The following ST6GALNAC3 variants were observed in gnomAD, a reference collection of about 807,000 sequenced individuals.
ST6GALNAC3 encodes the protein ST6 N-acetylgalactosaminide alpha-2,6-sialyltransferase 3, also known as alpha-N-acetylgalactosaminide alpha-2,6-sialyltransferase 3.
ST6GALNAC3 carries 25 observed loss-of-function variants against 32.7 expected under a neutral mutation model. That is an observed-to-expected ratio of 0.76 (90% CI 0.56 to 1.07). The LOEUF (loss-of-function observed/expected upper bound fraction) is 1.07, where lower values mean the gene tolerates loss of function less well. Ranked by LOEUF, ST6GALNAC3 falls within the 50% of genes least tolerant of loss-of-function variation. The pLI, the probability that ST6GALNAC3 is intolerant of heterozygous loss-of-function variation, is 0.00. For missense variants in ST6GALNAC3, 355 were observed against 382.4 expected (o/e 0.93, Z 0.60); for synonymous variants, 129 against 133.1 (o/e 0.97, Z 0.21).
chr1:76,332,833 G>A (rs1192150440), intron 2 of ST6GALNAC3, among the ~76,000 whole-genome samples: 1 of 152,084 alleles, frequency 6.6e-6, no homozygotes, highest in Non-Finnish European at 1.5e-5. Context: ...GAATTTTCAA[G>A]TGCCAGCTCC....
At chr1:76,226,867 C>T (rs187201147) in intron 1 of ST6GALNAC3, among the ~76,000 whole-genome samples, 2 of 152,238 alleles carry the variant, frequency 1.3e-5, no homozygotes, top group East Asian at 3.9e-4. Flanking sequence ...GATTACAATT[C>T]GACATGAGAT....
intron 3 of ST6GALNAC3, among the ~76,000 whole-genome samples, chr1:76,503,278 C>A (rs1220823679): frequency 2.0e-5 from 3 of 152,208 alleles, no homozygotes; most frequent in African/African-American, 7.2e-5. Context: ...CTGATTCTCG[C>A]ATTCCTACAA....
At chr1:76,255,735 T>G (rs1054120911) in intron 1 of ST6GALNAC3, among the ~76,000 whole-genome samples, 1 of 152,138 alleles carries the variant, frequency 6.6e-6, no homozygotes, top group Admixed American at 6.6e-5. Flanking sequence ...GTTCCTGTTA[T>G]GAAACTGTGG....
chr1:76,400,269 G>GC (rs1402346831), intron 2 of ST6GALNAC3, among the ~76,000 whole-genome samples: 2 of 152,110 alleles, frequency 1.3e-5, no homozygotes, highest in Non-Finnish European at 2.9e-5. Flanking sequence ...TCCTTTTGCT[G>GC]CATCTGTTGA....
intron 1 of ST6GALNAC3, among the ~76,000 whole-genome samples, chr1:76,160,784 ATTTCCTTG>A (rs1651755951): frequency 6.6e-6 from 1 of 152,180 alleles, no homozygotes; most frequent in Non-Finnish European, 1.5e-5. Context: ...GCAAGCTCTT[ATTTCCTTG>A]CAGCCCACAA....
intron 3 of ST6GALNAC3, among the ~76,000 whole-genome samples, chr1:76,455,747 C>A: frequency 6.6e-6 from 1 of 152,154 alleles, no homozygotes; most frequent in East Asian, 1.9e-4. Flanking sequence ...TCTTTTACCC[C>A]AGCATTTTGT....
At chr1:76,475,008 G>C (rs991801394) in intron 3 of ST6GALNAC3, among the ~76,000 whole-genome samples, 6 of 152,100 alleles carry the variant, frequency 3.9e-5, no homozygotes, top group Admixed American at 2.6e-4. Flanking sequence ...GGAAGGATAA[G>C]AGATGCTTTC....
At chr1:76,274,326 C>T (rs1315885837) in intron 1 of ST6GALNAC3, among the ~76,000 whole-genome samples, 2 of 152,116 alleles carry the variant, frequency 1.3e-5, no homozygotes, top group Non-Finnish European at 2.9e-5. Flanking sequence ...TACATACCTG[C>T]TGTGTGACGG....
chr1:76,263,331 A>G (rs76165042), intron 1 of ST6GALNAC3, among the ~76,000 whole-genome samples: 3,247 of 152,302 alleles, frequency 0.021, 47 homozygotes, highest in Middle Eastern at 0.034. Flanking sequence ...ATACCTAATA[A>G]ATATTATATG....
chr1:76,305,925 T>C (rs1661022819), intron 1 of ST6GALNAC3: 1 of 518,064 alleles, frequency 1.9e-6, no homozygotes, highest in African/African-American at 1.9e-5. Context: ...GAGCCTGTGT[T>C]CTAGTGTGTG....
intron 3 of ST6GALNAC3, among the ~76,000 whole-genome samples, chr1:76,557,474 G>A (rs1040458871): frequency 3.9e-5 from 6 of 152,006 alleles, no homozygotes; most frequent in Non-Finnish European, 2.9e-5. Context: ...GTAAACCACA[G>A]GTAAAGATCT....
intron 3 of ST6GALNAC3, among the ~76,000 whole-genome samples, chr1:76,508,000 G>GT (rs1418767676): frequency 1.3e-5 from 2 of 152,140 alleles, no homozygotes; most frequent in Non-Finnish European, 2.9e-5. Context: ...CCTCACTGTG[G>GT]TTTTGATTTG....
chr1:76,563,862 C>T (rs536414974), intron 3 of ST6GALNAC3, among the ~76,000 whole-genome samples: 38 of 152,270 alleles, frequency 2.5e-4, no homozygotes, highest in African/African-American at 8.7e-4. Flanking sequence ...CCCTCTAAAG[C>T]TACTTTGGCT....
chr1:76,242,436 C>A (rs1473029147), intron 1 of ST6GALNAC3, among the ~76,000 whole-genome samples: 3 of 151,744 alleles, frequency 2.0e-5, no homozygotes, highest in African/African-American at 7.3e-5. Context: ...ACCTTCTTTT[C>A]CTTTTTTTTA....
intron 3 of ST6GALNAC3, among the ~76,000 whole-genome samples, chr1:76,570,259 A>G (rs763469334): frequency 6.6e-6 from 1 of 152,092 alleles, no homozygotes; most frequent in Non-Finnish European, 1.5e-5. Flanking sequence ...TTAAAAATGT[A>G]TGTATGGTAA....
chr1:76,420,742 A>G (rs1654974897), intron 3 of ST6GALNAC3, among the ~76,000 whole-genome samples: 4 of 151,692 alleles, frequency 2.6e-5, no homozygotes, highest in Admixed American at 2.6e-4. Flanking sequence ...ATCTAGTCCT[A>G]CCTCTATGTT....
At chr1:76,530,235 A>G (rs865998015) in intron 3 of ST6GALNAC3, among the ~76,000 whole-genome samples, 1 of 152,162 alleles carries the variant, frequency 6.6e-6, no homozygotes. Flanking sequence ...CACTCTAACC[A>G]CTACCTTTTA....
chr1:76,521,088 A>G (rs1353086577), intron 3 of ST6GALNAC3, among the ~76,000 whole-genome samples: 1 of 152,072 alleles, frequency 6.6e-6, no homozygotes, highest in Non-Finnish European at 1.5e-5. Flanking sequence ...AATGCCTAAG[A>G]GATAAAAATA....
rs1471246442 is a variant in ST6GALNAC3 at position 76,633,396 on chromosome 1, T to C, written c.*4590T>C. ...GAAGGAACATATCCCATTGATTGTC[T>C]ACACTTTCTTCTCTCTGTTTGTTGC... is the stretch of plus-strand genomic sequence containing the variant. On this transcript the variant is annotated 3_prime_UTR_variant, in exon 5 of 5. Transcript: ENST00000328299. 1 of 152,232 alleles carries C rather than the reference T, an allele frequency of 6.6e-6. No homozygotes were observed. Among genetic ancestry groups the C allele is most frequent in the Admixed American group, 6.5e-5 (1 of 15,282 alleles). 9.4% of individuals were successfully genotyped at this position (152,232 alleles called of 1,614,324 possible).
Sources: allele counts gnomAD v4.1 joint callset (sites outside exome capture counted in the v4.1 genomes callset), GRCh38; gene constraint gnomAD v4.1.1; transcripts MANE v1.5; gene names NCBI Gene and HGNC (gene_info 2026-07-23, HGNC 2026-07-21).